Variants in KCNH7 observed in about 807,000 individuals in gnomAD.
KCNH7 encodes the protein voltage-gated inwardly rectifying potassium channel KCNH7.
A neutral mutation model predicts 120.8 loss-of-function variants in KCNH7; 49 were observed. That is an observed-to-expected ratio of 0.41 (90% CI 0.32 to 0.51). The LOEUF (loss-of-function observed/expected upper bound fraction) is 0.51, where lower values mean the gene tolerates loss of function less well. KCNH7 is among the 20% of genes least tolerant of loss of function. The probability of loss-of-function intolerance (pLI) is 0.38; values close to 1 mark genes in which losing one functional copy is unlikely to be tolerated. For synonymous variants in KCNH7, 547 were observed against 516.1 expected (o/e 1.06, Z -0.81); for missense variants, 1,097 against 1,446.6 (o/e 0.76, Z 3.92).
chr2:162,384,111 A>G (rs1686505393), intron 13 of KCNH7, among the ~76,000 whole-genome samples: 1 of 151,944 alleles, frequency 6.6e-6, no homozygotes, highest in Non-Finnish European at 1.5e-5. Context: ...ATCAAGCATT[A>G]TTACCCAACT....
At chr2:162,813,345 C>T (rs532745503) in intron 2 of KCNH7, among the ~76,000 whole-genome samples, 7 of 152,256 alleles carry the variant, frequency 4.6e-5, no homozygotes, top group Admixed American at 2.0e-4. Flanking sequence ...ATACATTCCT[C>T]GATCAGGTAC....
intron 2 of KCNH7, among the ~76,000 whole-genome samples, chr2:162,735,520 A>C (rs568091679): frequency 2.0e-5 from 3 of 152,298 alleles, no homozygotes; most frequent in African/African-American, 7.2e-5. Flanking sequence ...GCAAACTTTA[A>C]AGAATTGGCC....
chr2:162,426,557 T>C (rs1186306152), intron 8 of KCNH7, among the ~76,000 whole-genome samples: 1 of 152,084 alleles, frequency 6.6e-6, no homozygotes, highest in Admixed American at 6.6e-5. Context: ...TCAAACAGGG[T>C]TCTCTTAAAA....
At chr2:162,639,704 A>G (rs1684080508) in intron 2 of KCNH7, among the ~76,000 whole-genome samples, 1 of 152,150 alleles carries the variant, frequency 6.6e-6, no homozygotes, top group Non-Finnish European at 1.5e-5. Flanking sequence ...CTTATTGAAC[A>G]CAGTGCTAGA....
chr2:162,737,750 G>T (rs1212196903), intron 2 of KCNH7, among the ~76,000 whole-genome samples: 1 of 152,104 alleles, frequency 6.6e-6, no homozygotes, highest in Non-Finnish European at 1.5e-5. Flanking sequence ...AGCACAGGAT[G>T]ATACAGCCTG....
At chr2:162,785,686 G>A (rs1559133247) in intron 2 of KCNH7, among the ~76,000 whole-genome samples, 2 of 151,824 alleles carry the variant, frequency 1.3e-5, no homozygotes, top group Admixed American at 1.3e-4. Flanking sequence ...GGCTGCCTGT[G>A]GAATAGTTTT....
chr2:162,538,852 T>A (rs75937494), intron 2 of KCNH7, among the ~76,000 whole-genome samples: 2,406 of 152,232 alleles, frequency 0.016, 61 homozygotes, highest in East Asian at 0.095. Flanking sequence ...GAAAGACTTT[T>A]TGTAAGTTAG....
At chr2:162,771,274 G>A (rs1243111979) in intron 2 of KCNH7, among the ~76,000 whole-genome samples, 1 of 152,052 alleles carries the variant, frequency 6.6e-6, no homozygotes, top group Non-Finnish European at 1.5e-5. Flanking sequence ...CACTCTACAT[G>A]TTATTGTTAT....
intron 2 of KCNH7, among the ~76,000 whole-genome samples, chr2:162,603,352 G>C (rs1388247284): frequency 6.6e-6 from 1 of 151,866 alleles, no homozygotes; most frequent in Non-Finnish European, 1.5e-5. Flanking sequence ...TATTAATGTT[G>C]TTCCCTCATT....
At chr2:162,513,426 T>TTTCC (rs573753682) in intron 4 of KCNH7, among the ~76,000 whole-genome samples, 1,392 of 89,626 alleles carry the variant, frequency 0.016, 52 homozygotes, top group East Asian at 0.06. Context: ...TCCCTCCTTC[T>TTTCC]TTCCTTCCTT....
intron 6 of KCNH7, among the ~76,000 whole-genome samples, chr2:162,446,771 T>A (rs1688595544): frequency 6.6e-6 from 1 of 152,136 alleles, no homozygotes. Context: ...ATGGCTGTTT[T>A]TAGAAAATCA....
chr2:162,661,937 C>T (rs751722968), intron 2 of KCNH7, among the ~76,000 whole-genome samples: 1 of 151,794 alleles, frequency 6.6e-6, no homozygotes, highest in African/African-American at 2.4e-5. Flanking sequence ...TCCAAACTCT[C>T]ATATTATTGT....
intron 5 of KCNH7, among the ~76,000 whole-genome samples, chr2:162,511,042 A>T (rs930383428): frequency 6.6e-6 from 1 of 151,774 alleles, no homozygotes; most frequent in Non-Finnish European, 1.5e-5. Context: ...ATTCTACCAT[A>T]TACTTTAAAT....
chr2:162,720,346 A>T (rs1424220899), intron 2 of KCNH7, among the ~76,000 whole-genome samples: 1 of 150,738 alleles, frequency 6.6e-6, no homozygotes, highest in East Asian at 2.0e-4. Flanking sequence ...GAGAGAGAGA[A>T]AAAGGGAGAG....
chr2:162,560,286 G>A (rs1693014976), intron 2 of KCNH7, among the ~76,000 whole-genome samples: 1 of 152,138 alleles, frequency 6.6e-6, no homozygotes, highest in African/African-American at 2.4e-5. Flanking sequence ...TGAATGTAAG[G>A]CTCTGGACTT....
intron 14 of KCNH7, among the ~76,000 whole-genome samples, chr2:162,377,946 G>A (rs568207691): frequency 5.3e-5 from 8 of 152,226 alleles, no homozygotes; most frequent in Non-Finnish European, 1.0e-4. Context: ...GATCATAAAT[G>A]TGCCCTTAGA....
At chr2:162,591,219 A>ATTTCT (rs1309803559) in intron 2 of KCNH7, among the ~76,000 whole-genome samples, 1 of 151,890 alleles carries the variant, frequency 6.6e-6, no homozygotes, top group African/African-American at 2.4e-5. Flanking sequence ...TCTATACCAC[A>ATTTCT]TTTCTTTTAT....
chr2:162,447,781 C>T (rs760367481), intron 6 of KCNH7, among the ~76,000 whole-genome samples: 3 of 152,104 alleles, frequency 2.0e-5, no homozygotes, highest in South Asian at 2.1e-4. Flanking sequence ...TGTCATATCT[C>T]GTACCTTTTT....
chr2:162,626,482 T>G (rs1259680693), intron 2 of KCNH7, among the ~76,000 whole-genome samples: 1 of 152,168 alleles, frequency 6.6e-6, no homozygotes, highest in Non-Finnish European at 1.5e-5. Flanking sequence ...GTACACTGAT[T>G]TATTTCCTGT....
Sources: gnomAD v4.1 joint callset for allele counts (sites outside exome capture counted in the v4.1 genomes callset) on GRCh38, gnomAD v4.1.1 for gene constraint, MANE v1.5 for transcripts, NCBI Gene and HGNC (gene_info 2026-07-23, HGNC 2026-07-21) for gene names.